Variants in CDK14 observed in about 807,000 individuals in gnomAD.
CDK14 encodes the protein cyclin dependent kinase 14.
In CDK14, 34 loss-of-function variants were observed where a neutral mutation model predicts 60.7. That is an observed-to-expected ratio of 0.56 (90% CI 0.43 to 0.75). The LOEUF (loss-of-function observed/expected upper bound fraction) is 0.75. Among genes scored for constraint, CDK14 ranks in the 30% least tolerant of loss-of-function variants. CDK14 has a pLI of 0.00. For missense variants in CDK14, 482 were observed against 564.1 expected (o/e 0.85, Z 1.47); for synonymous variants, 197 against 203.7 (o/e 0.97, Z 0.28).
intron 4 of CDK14, among the ~76,000 whole-genome samples, chr7:90,759,148 A>G (rs1166375410): frequency 6.6e-6 from 1 of 152,002 alleles, no homozygotes; most frequent in Non-Finnish European, 1.5e-5. Flanking sequence ...TGACTAAAGT[A>G]TTTTAAATGT....
rs140625223 is a variant in CDK14 at position 91,070,090 on chromosome 7, C to T, written c.1106-9342C>T. On this transcript the variant is annotated intron_variant, in intron 11 of 14. Coordinates refer to ENST00000380050, the MANE Select transcript of CDK14 (RefSeq NM_001287135.2). ...GGGATTATAGCCATGAGCCACCACA[C>T]CCAGCCTGTGTATTGTGTTGACTAA... Among the ~76,000 whole-genome samples the T allele has an allele frequency of 2.2e-4, 34 of 152,330 alleles. No homozygotes were observed. The East Asian group carries it at 5.6e-3, about 25-fold the overall frequency.
intron 2 of CDK14, among the ~76,000 whole-genome samples, chr7:90,715,106 G>A (rs1802200062): frequency 6.6e-6 from 1 of 152,042 alleles, no homozygotes; most frequent in African/African-American, 2.4e-5. Context: ...TCTGGATGCT[G>A]TATTTTACAT....
chr7:90,978,380 A>G (rs1380134277), intron 9 of CDK14, among the ~76,000 whole-genome samples: 1 of 152,304 alleles, frequency 6.6e-6, no homozygotes, highest in African/African-American at 2.4e-5. Flanking sequence ...AGGGGCACGT[A>G]TGTAGGGTAT....
chr7:90,981,648 G>T (rs1168134473), intron 9 of CDK14, among the ~76,000 whole-genome samples: 1 of 152,180 alleles, frequency 6.6e-6, no homozygotes, highest in East Asian at 1.9e-4. Context: ...AGACACAAGT[G>T]TTTGCTTGCC....
intron 10 of CDK14, among the ~76,000 whole-genome samples, chr7:91,017,121 T>C (rs1796320857): frequency 6.6e-6 from 1 of 152,214 alleles, no homozygotes; most frequent in African/African-American, 2.4e-5. Flanking sequence ...AGGTCTATTT[T>C]CTATGAAGTT....
chr7:90,678,546 G>T (rs183037904), intron 2 of CDK14, among the ~76,000 whole-genome samples: 174 of 152,290 alleles, frequency 1.1e-3, no homozygotes, highest in Non-Finnish European at 6.8e-4. Context: ...AAGGTGTGAT[G>T]AATTCCTCCT....
chr7:90,614,159 AC>A (rs1262550699), intron 2 of CDK14, among the ~76,000 whole-genome samples: 1 of 151,952 alleles, frequency 6.6e-6, no homozygotes, highest in East Asian at 1.9e-4. Flanking sequence ...GGCATGCGCC[AC>A]CTGCCTGGCT....
intron 2 of CDK14, among the ~76,000 whole-genome samples, chr7:90,682,501 T>C (rs1801337025): frequency 6.6e-6 from 1 of 152,176 alleles, no homozygotes; most frequent in South Asian, 2.1e-4. Flanking sequence ...TATAAGATAG[T>C]ATATATTTCT....
rs186983184 is a variant in CDK14 at position 90,933,826 on chromosome 7, G to A, written c.826+16102G>A. Among the ~76,000 whole-genome samples, 135 of 152,358 alleles carry A rather than the reference G, an allele frequency of 8.9e-4. 1 individual carries two copies. The highest frequency in any genetic ancestry group is 1.5e-3 in the Non-Finnish European group (103 of 68,028). Reference sequence around the variant, plus strand: ...TTCCAGAAGACAGAGCTTTTGCTGTGTAGCCATGAGCAGAAATGTTGATGT... The same window carrying A: ...TTCCAGAAGACAGAGCTTTTGCTGTATAGCCATGAGCAGAAATGTTGATGT... On this transcript the variant is annotated intron_variant, in intron 8 of 14. Coordinates refer to ENST00000380050, the MANE Select transcript of CDK14 (RefSeq NM_001287135.2).
chr7:90,596,559 C>A lies in CDK14; in HGVS notation c.-69C>A. ...GAGGCGCCGCTTTCCCCGCGGCGCG[C>A]GCCCTCGCCGTTGTCTGAGCTGTGC... On this transcript the variant is annotated 5_prime_UTR_variant, in exon 1 of 15. Coordinates refer to ENST00000380050, the MANE Select transcript of CDK14 (RefSeq NM_001287135.2). 3 of 1,349,442 alleles carry A rather than the reference C, an allele frequency of 2.2e-6. No individual in the cohort carries two copies. Among genetic ancestry groups the A allele is most frequent in the Admixed American group, 1.8e-5 (1 of 54,358 alleles). The allele number at this position is 1,349,442 out of a possible 1,614,324, so 83.6% of individuals were successfully genotyped here. A position where few individuals can be genotyped will look rare whatever the true frequency, so the allele number is the denominator to read the frequency against.
At chr7:91,117,278 C>A (rs188146922) in intron 13 of CDK14, among the ~76,000 whole-genome samples, 23 of 151,652 alleles carry the variant, frequency 1.5e-4, no homozygotes, top group Non-Finnish European at 2.8e-4. Flanking sequence ...GCTACCTTCA[C>A]AGTATATCCA....
At chr7:90,827,689 A>G (rs1789773985) in intron 5 of CDK14, among the ~76,000 whole-genome samples, 1 of 152,220 alleles carries the variant, frequency 6.6e-6, no homozygotes, top group Admixed American at 6.5e-5. Flanking sequence ...TTTCAGAATA[A>G]TCTAGAGGAG....
intron 2 of CDK14, among the ~76,000 whole-genome samples, chr7:90,662,044 C>A (rs564593254): frequency 6.6e-6 from 1 of 152,284 alleles, no homozygotes; most frequent in East Asian, 1.9e-4. Context: ...GAAAAATTGG[C>A]ACGTCCCTCC....
At chr7:91,059,431 T>G (rs1797705780) in intron 11 of CDK14, among the ~76,000 whole-genome samples, 2 of 152,234 alleles carry the variant, frequency 1.3e-5, no homozygotes, top group South Asian at 4.1e-4. Flanking sequence ...CTTAGTTATT[T>G]CTTGCCTTCT....
intron 4 of CDK14, among the ~76,000 whole-genome samples, chr7:90,768,668 T>C (rs1313689810): frequency 1.3e-5 from 2 of 152,252 alleles, no homozygotes; most frequent in African/African-American, 4.8e-5. Flanking sequence ...TGGTGATTTT[T>C]ATAGTATACC....
intron 7 of CDK14, among the ~76,000 whole-genome samples, chr7:90,900,511 A>T (rs540153426): frequency 2.0e-5 from 3 of 152,264 alleles, no homozygotes; most frequent in Admixed American, 6.5e-5. Context: ...TTATAACATG[A>T]ACATAATTTT....
At position 90,606,587 on chromosome 7, in the gene CDK14, ATT is replaced by A. The variant is rs1799423885; in HGVS notation, c.123+2340_123+2341del. ...AGAATTACAGCTATGAGGAGAGTTA[ATT>A]TCAGATATTCCTCTAACATTTCACC... On this transcript the variant is annotated intron_variant, in intron 2 of 14. Transcript: ENST00000380050. 5.3e-5 allele frequency among the ~76,000 whole-genome samples: 8 copies of A among 152,306 alleles called. No individual in the cohort carries two copies. In the South Asian group the frequency reaches 1.7e-3, roughly 32 times the overall value.
intron 2 of CDK14, among the ~76,000 whole-genome samples, chr7:90,662,997 A>G (rs1800893481): frequency 6.6e-6 from 1 of 152,114 alleles, no homozygotes; most frequent in Admixed American, 6.6e-5. Flanking sequence ...TGGATGTGAA[A>G]CCTAGCTGTA....
chr7:91,049,787 T>C (rs1797340687), intron 11 of CDK14, among the ~76,000 whole-genome samples: 2 of 152,224 alleles, frequency 1.3e-5, no homozygotes, highest in African/African-American at 4.8e-5. Flanking sequence ...CACTTATATG[T>C]CTAGGGACTG....
Sources: gnomAD v4.1 joint callset for allele counts (sites outside exome capture counted in the v4.1 genomes callset) on GRCh38, gnomAD v4.1.1 for gene constraint, MANE v1.5 for transcripts, NCBI Gene and HGNC (gene_info 2026-07-23, HGNC 2026-07-21) for gene names.